The following TFF2 variants were observed in gnomAD, a reference collection of about 807,000 sequenced individuals.
TFF2 encodes the protein trefoil factor 2.
In TFF2, 19 loss-of-function variants were observed where a neutral mutation model predicts 16.0. The ratio of observed to expected loss-of-function variants is 1.19; its 90% CI spans 0.83 to 1.74. TFF2 has a LOEUF of 1.74. Ranked by LOEUF, TFF2 falls within the 40% of genes most tolerant of loss-of-function variation. The pLI, the probability that TFF2 is intolerant of heterozygous loss-of-function variation, is 0.00. For synonymous variants in TFF2, 61 were observed against 65.4 expected (o/e 0.93, Z 0.32); for missense variants, 168 against 166.8 (o/e 1.01, Z -0.04).
chr21:42,349,867 C>G lies in TFF2; in HGVS notation c.229+14G>C. ...TGCCAGCTGCTGGCCCAGGAAGATT[C>G]CCTGGAAGATTACCTTGCTTTGGGA... On this transcript the variant is annotated intron_variant, in intron 2 of 3. Coordinates refer to ENST00000291526, the MANE Select transcript of TFF2 (RefSeq NM_005423.5). 1 of 1,583,342 alleles carries G rather than the reference C, an allele frequency of 6.3e-7. No individual in the cohort carries two copies. The highest frequency in any genetic ancestry group is 8.6e-7 in the Non-Finnish European group (1 of 1,163,786).
chr21:42,348,560 C>T (rs1384748788), intron 2 of TFF2, among the ~76,000 whole-genome samples: 1 of 152,168 alleles, frequency 6.6e-6, no homozygotes. Context: ...GTTGGCTGAC[C>T]TGGGTTACCT....
At position 42,346,389 on chromosome 21, in the gene TFF2, A is replaced by T; in HGVS notation, c.*144T>A. On this transcript the variant is annotated 3_prime_UTR_variant, in exon 4 of 4. Coordinates refer to ENST00000291526, the MANE Select transcript of TFF2 (RefSeq NM_005423.5). ...GATTTTAAGGGTTTTATTTAAAGAA[A>T]TTATATGTTAAACCATTGAAAATGA... 1 of 1,106,736 alleles carries T rather than the reference A, an allele frequency of 9.0e-7. No homozygotes were observed. The highest frequency in any genetic ancestry group is 2.3e-5 in the Admixed American group (1 of 43,646). 68.6% of individuals were successfully genotyped at this position (1,106,736 alleles called of 1,614,324 possible). A position where few individuals can be genotyped will look rare whatever the true frequency, so the allele number is the denominator to read the frequency against.
At chr21:42,350,231 G>T in intron 1 of TFF2, 12 of 965,132 alleles carry the variant, frequency 1.2e-5, no homozygotes, top group East Asian at 9.5e-5. Context: ...AGTTTAAAAG[G>T]AAAAAAAAAA....
intron 3 of TFF2, 26 bp downstream of exon 3, chr21:42,347,460 G>T (rs751893244): frequency 3.1e-6 from 5 of 1,613,890 alleles, no homozygotes; most frequent in South Asian, 1.1e-5. Context: ...CCGGGAACCA[G>T]ACAGAGAGTC....
chr21:42,347,440 A>G (rs766307182), intron 3 of TFF2, 46 bp downstream of exon 3: 2 of 1,611,624 alleles, frequency 1.2e-6, no homozygotes, highest in African/African-American at 1.3e-5. Flanking sequence ...CGGAGGAGGA[A>G]TCATGGTGTC....
chr21:42,348,960 CCCAGACTAACCAACCTGGGCTAGCT>C (rs1397584257), intron 2 of TFF2, among the ~76,000 whole-genome samples: 1 of 151,660 alleles, frequency 6.6e-6, no homozygotes, highest in Non-Finnish European at 1.5e-5. Context: ...CCAGGCTAGT[CCCAGACTAACCAACCTGGGCTAGCT>C]CCAGACTAAA....
In TFF2 at chr21:42,350,903, C is replaced by T. The variant is rs763515003; in HGVS notation, c.55G>A (p.Ala19Thr). 8 of 1,613,816 alleles carry T rather than the reference C, an allele frequency of 5.0e-6. No individual in the cohort carries two copies. Among genetic ancestry groups the T allele is most frequent in the Middle Eastern group, 1.7e-4 (1 of 5,970 alleles). ...CAGGGTTTCTCACTCCCCGCCAGGG[C>T]ACATAGCCCCAGGACGAGGAGCGCT... ...LAALLVLGLCALAGSEKPSPC... is the reference protein window; with the variant it reads ...LAALLVLGLCTLAGSEKPSPC... The change falls in exon 1 of 4, where the codon GCC (alanine) becomes ACC (threonine). Residue 19 changes from alanine (A) to threonine (T), a missense_variant. Transcript: ENST00000291526.
chr21:42,348,194 C>T lies in TFF2; in HGVS notation c.230-562G>A, dbSNP rs541452171. On this transcript the variant is annotated intron_variant, in intron 2 of 3. Coordinates refer to ENST00000291526, the MANE Select transcript of TFF2 (RefSeq NM_005423.5). ...TCTCCAGAGGACGTGCCTGGTTCCA[C>T]GCACACAGGTGCACGACACACACAC... 1.2e-4 allele frequency among the ~76,000 whole-genome samples: 18 copies of T among 151,366 alleles called. No individual in the cohort carries two copies. The South Asian group carries it at 3.0e-3, about 25-fold the overall frequency.
chr21:42,349,764 C>G (rs1422233123), intron 2 of TFF2, 117 bp downstream of exon 2: 5 of 1,095,526 alleles, frequency 4.6e-6, no homozygotes, highest in Non-Finnish European at 6.4e-6. Context: ...ACTAACCCAC[C>G]CAGGCTAACC....
At chr21:42,348,984 C>CA (rs958593932) in intron 2 of TFF2, among the ~76,000 whole-genome samples, 1 of 151,836 alleles carries the variant, frequency 6.6e-6, no homozygotes, top group African/African-American at 2.4e-5. Context: ...CCTGGGCTAG[C>CA]TCCAGACTAA....
chr21:42,346,569 G>T (rs1308653410), intron 3 of TFF2, 23 bp from the exon 4 acceptor site: 6 of 1,591,062 alleles, frequency 3.8e-6, no homozygotes, highest in South Asian at 1.2e-5. Flanking sequence ...ATGCAAGATG[G>T]TTGGTAAGGG....
intron 2 of TFF2, among the ~76,000 whole-genome samples, chr21:42,348,837 T>G (rs2052090371): frequency 6.7e-6 from 1 of 150,140 alleles, no homozygotes; most frequent in South Asian, 2.1e-4. Flanking sequence ...AGACTAGCAG[T>G]CCAGGCTAGT....
intron 2 of TFF2, among the ~76,000 whole-genome samples, chr21:42,347,843 C>T (rs779045741): frequency 4.6e-5 from 7 of 152,148 alleles, no homozygotes; most frequent in Non-Finnish European, 8.8e-5. Flanking sequence ...GTGGAAGTGT[C>T]GGCCCCAGCG....
Position 42,350,969 on chromosome 21 carries a change from C to G in TFF2, c.-12G>C. On this transcript the variant is annotated 5_prime_UTR_variant, in exon 1 of 4. Coordinates refer to ENST00000291526, the MANE Select transcript of TFF2 (RefSeq NM_005423.5). ...TCTCGCCGTCCCATGTCTAGCTCAGCTGCACCCCAGGGTGGCTTGCAGAAT... is the reference window on the plus strand; with the variant it reads ...TCTCGCCGTCCCATGTCTAGCTCAGGTGCACCCCAGGGTGGCTTGCAGAAT... 1 of 1,613,352 alleles carries G rather than the reference C, an allele frequency of 6.2e-7. No homozygotes were observed. The highest frequency in any genetic ancestry group is 8.5e-7 in the Non-Finnish European group (1 of 1,179,698).
chr21:42,350,931 C>T lies in TFF2; in HGVS notation c.27G>A (p.Leu9=), dbSNP rs758325503. 6.8e-6 allele frequency: 11 copies of T among 1,613,962 alleles called. No homozygotes were observed. Among genetic ancestry groups the T allele is most frequent in the Non-Finnish European group, 9.3e-6 (11 of 1,179,936 alleles). MGRRDAQL[L]AALLVLGLCA... ...ATAGCCCCAGGACGAGGAGCGCTGC[C>T]AGGAGCTGGGCGTCTCGCCGTCCCA... The change falls in exon 1 of 4, where the codon CTG becomes CTA. Residue 9 remains leucine, a synonymous_variant. Coordinates refer to ENST00000291526, the MANE Select transcript of TFF2 (RefSeq NM_005423.5).
rs539474462 is a variant in TFF2 at position 42,350,199 on chromosome 21, G to T, written c.80-169C>A. 56 of 1,275,042 alleles carry T rather than the reference G, an allele frequency of 4.4e-5. 1 individual carries two copies. In the South Asian group the frequency reaches 1.5e-3, roughly 35 times the overall value. 79.0% of individuals were successfully genotyped at this position (1,275,042 alleles called of 1,614,324 possible). On this transcript the variant is annotated intron_variant, in intron 1 of 3. Transcript: ENST00000291526. ...GGTTTCCTCCTGAGAAGCCGATAGG[G>T]CTTTGCTGAAATTGTTATATTAGTT... is the stretch of plus-strand genomic sequence containing the variant.
intron 1 of TFF2, 29 bp from the exon 2 acceptor site, chr21:42,350,059 C>T: frequency 6.3e-7 from 1 of 1,578,488 alleles, no homozygotes; most frequent in Non-Finnish European, 8.6e-7. Flanking sequence ...TCGGCCCCAC[C>T]CTGGTACCCC....
intron 2 of TFF2, 44 bp downstream of exon 2, chr21:42,349,837 T>C (rs751174426): frequency 2.1e-5 from 33 of 1,542,098 alleles, no homozygotes; most frequent in Non-Finnish European, 2.6e-5. Context: ...AGCTGGGTCC[T>C]GGGTTGCCAG....
rs978087128 is a variant in TFF2, at chr21:42,349,932, C to T, written c.178G>A (p.Asp60Asn). The T allele has an allele frequency of 6.9e-6, 11 of 1,600,378 alleles. No individual in the cohort carries two copies. Among genetic ancestry groups the T allele is most frequent in the African/African-American group, 2.7e-5 (2 of 74,732 alleles). The change falls in exon 2 of 4, where the codon GAC becomes AAC. Residue 60 changes from aspartate to asparagine, a missense_variant. Physicochemically the swap from Asp to Asn is conservative, Grantham distance 23. Coordinates refer to ENST00000291526, the MANE Select transcript of TFF2 (RefSeq NM_005423.5). ...DQCFDNGCCF[D>N]SSVTGVPWCF... ...CAGGGGACCCCAGTGACACTGGAGTCGAAACAGCATCCATTGTCAAAACAC... is the reference window on the plus strand; with the variant it reads ...CAGGGGACCCCAGTGACACTGGAGTTGAAACAGCATCCATTGTCAAAACAC...
Sources: gnomAD v4.1 joint callset for allele counts (sites outside exome capture counted in the v4.1 genomes callset) on GRCh38, gnomAD v4.1.1 for gene constraint, MANE v1.5 for transcripts, NCBI Gene and HGNC (gene_info 2026-07-23, HGNC 2026-07-21) for gene names.